CEACAM20: variants seen among roughly 807,000 people sequenced by gnomAD.
CEACAM20 encodes the protein CEA cell adhesion molecule 20, also known as cell adhesion molecule CEACAM20.
CEACAM20 carries 50 observed loss-of-function variants against 61.2 expected under a neutral mutation model. The ratio of observed to expected loss-of-function variants is 0.82; its 90% CI spans 0.65 to 1.03. CEACAM20 has a LOEUF of 1.03. CEACAM20 is among the 50% of genes least tolerant of loss of function. CEACAM20 has a pLI of 0.00. For missense variants in CEACAM20, 683 were observed against 736.4 expected, an observed-to-expected ratio of 0.93 and a Z score of 0.84; for synonymous variants, 282 against 287.7, an observed-to-expected ratio of 0.98 and a Z score of 0.20.
At chr19:44,506,958 C>G (rs1283913217) in intron 11 of CEACAM20, among the ~76,000 whole-genome samples, 1 of 152,148 alleles carries the variant, frequency 6.6e-6, no homozygotes, top group Non-Finnish European at 1.5e-5. Flanking sequence ...TCTTCAGGGC[C>G]TTTTTTACTG....
At chr19:44,524,688 T>C (rs901658813) in intron 2 of CEACAM20, among the ~76,000 whole-genome samples, 4 of 152,008 alleles carry the variant, frequency 2.6e-5, no homozygotes, top group African/African-American at 9.7e-5. Flanking sequence ...CAAGCGATCC[T>C]CCCACCTCAG....
chr19:44,529,565 C>A lies in CEACAM20; in HGVS notation c.-56G>T. The A allele has an allele frequency of 6.5e-7, 1 of 1,530,764 alleles. No homozygotes were observed. 94.8% of individuals were successfully genotyped at this position (1,530,764 alleles called of 1,614,324 possible). A position where few individuals can be genotyped will look rare whatever the true frequency, so the allele number is the denominator to read the frequency against. ...GCCGTCTGTCGCCCCGGCTTGCACA[C>A]ACAGATACAGTCCTCACTCCAGGTG... On this transcript the variant is annotated 5_prime_UTR_variant, in exon 1 of 12. Transcript: ENST00000614924.
chr19:44,511,060 A>G lies in CEACAM20; in HGVS notation c.1707T>C (p.Thr569=). 1.2e-6 allele frequency: 2 copies of G among 1,613,912 alleles called. No homozygotes were observed. The highest frequency in any genetic ancestry group is 1.1e-5 in the South Asian group (1 of 91,066). Residue 569 remains threonine, a synonymous_variant, in exon 11 of 12, where the codon ACT becomes ACC. Coordinates refer to ENST00000614924, the MANE Select transcript of CEACAM20 (RefSeq NM_001102597.3). The part of the protein sequence containing the change: ...PLMPPLRLVS[T]VPKNMESIYE... Reference sequence around the variant, plus strand: ...AGATTGACTCCATGTTTTTTGGCACAGTGGAGACCAATCTGAGTGGGGGCA... The same window carrying G: ...AGATTGACTCCATGTTTTTTGGCACGGTGGAGACCAATCTGAGTGGGGGCA...
At chr19:44,524,335 A>T in intron 2 of CEACAM20, 74 bp from the exon 3 acceptor site, 1 of 1,475,812 alleles carries the variant, frequency 6.8e-7, no homozygotes, top group Non-Finnish European at 9.2e-7. Context: ...TCACAGAGGG[A>T]CCCAGAGAAA....
At position 44,516,799 on chromosome 19, in the gene CEACAM20, G is replaced by C. The variant is rs1971168192; in HGVS notation, c.1309+147C>G. 17 of 820,272 alleles carry C rather than the reference G, an allele frequency of 2.1e-5. No homozygotes were observed. In the South Asian group the frequency reaches 2.8e-4, roughly 14 times the overall value. The allele number at this position is 820,272 out of a possible 1,614,324, so 50.8% of individuals were successfully genotyped here. A position where few individuals can be genotyped will look rare whatever the true frequency, so the allele number is the denominator to read the frequency against. Reference sequence around the variant, plus strand: ...ACATTTCCCTGACCACTAGGGGTTGGGATTCAACAGCTGTGGACTGAGAAC... The same window carrying C: ...ACATTTCCCTGACCACTAGGGGTTGCGATTCAACAGCTGTGGACTGAGAAC... On this transcript the variant is annotated intron_variant, in intron 6 of 11. Transcript: ENST00000614924.
At chr19:44,526,232 G>A (rs139359657) in intron 1 of CEACAM20, among the ~76,000 whole-genome samples, 2,662 of 152,294 alleles carry the variant, frequency 0.017, 61 homozygotes, top group African/African-American at 0.052. Flanking sequence ...TTTTCAACGG[G>A]GTGTGGTGGC....
At chr19:44,514,818 T>TAAA (rs148490182) in intron 6 of CEACAM20, among the ~76,000 whole-genome samples, 5,160 of 151,966 alleles carry the variant, frequency 0.034, 312 homozygotes, top group African/African-American at 0.12. Context: ...ATAGACTTTT[T>TAAA]AAAATTTTTT....
At chr19:44,513,323 G>A in intron 6 of CEACAM20, 34 bp from the exon 7 acceptor site, 1 of 1,436,042 alleles carries the variant, frequency 7.0e-7, no homozygotes, top group Non-Finnish European at 9.8e-7. Context: ...ACCCAGGCTT[G>A]ACACACCCTC....
In CEACAM20 at chr19:44,513,443, CT is replaced by C. The variant is rs398034749; in HGVS notation, c.1310-155del. 1.9e-3 allele frequency among the ~76,000 whole-genome samples: 224 copies of C among 117,096 alleles called. 1 individual carries two copies. The highest frequency in any genetic ancestry group is 2.6e-3 in the East Asian group (10 of 3,918). The allele number at this position is 117,096 out of a possible 152,430, so 76.8% of individuals were successfully genotyped here. A position where few individuals can be genotyped will look rare whatever the true frequency, so the allele number is the denominator to read the frequency against. On this transcript the variant is annotated intron_variant, in intron 6 of 11. Transcript: ENST00000614924. ...TATCAGATTGTGGTTTTTGGTTTTG[CT>C]TTTTTTTTTTTTTTTTTCAGACAGG...
At chr19:44,521,738 TTGTG>T (rs1000768732) in intron 4 of CEACAM20, among the ~76,000 whole-genome samples, 5 of 152,116 alleles carry the variant, frequency 3.3e-5, no homozygotes, top group African/African-American at 1.2e-4. Context: ...TTTGTATGTT[TTGTG>T]TGAGTGTGTG....
At chr19:44,528,787 GTGTC>G (rs1382002818) in intron 1 of CEACAM20, among the ~76,000 whole-genome samples, 8 of 146,900 alleles carry the variant, frequency 5.4e-5, no homozygotes, top group East Asian at 2.0e-4. Flanking sequence ...CTGTCTCTCT[GTGTC>G]TGTTTCTCTC....
At position 44,524,258 on chromosome 19, in the gene CEACAM20, A is replaced by G; in HGVS notation, c.200T>C (p.Leu67Pro). Residue 67 changes from leucine to proline, a missense_variant, in exon 3 of 12, where the codon CTG becomes CCG. Coordinates refer to ENST00000614924, the MANE Select transcript of CEACAM20 (RefSeq NM_001102597.3). ...TPQIHGRSRE[L>P]AKPSIAVSPG... The stretch of plus-strand genomic sequence containing the variant: ...GCTGACTGCAATGGAGGGTTTGGCC[A>G]GCTCTGAAAGCAAGCGAGGGAGACA... 2 of 1,610,982 alleles carry G rather than the reference A, an allele frequency of 1.2e-6. No individual in the cohort carries two copies. Among genetic ancestry groups the G allele is most frequent in the South Asian group, 1.1e-5 (1 of 90,722 alleles).
rs747930065 is a variant in CEACAM20, at chr19:44,512,961, C to G, written c.1428-8G>C. 6 of 1,606,762 alleles carry G rather than the reference C, an allele frequency of 3.7e-6. No individual in the cohort carries two copies. In the South Asian group the frequency reaches 6.7e-5, roughly 18 times the overall value. On this transcript the variant is annotated splice_region_variant and splice_polypyrimidine_tract_variant and intron_variant, in intron 7 of 11. Transcript: ENST00000614924. ...GTTGTTTTCCTTGAGGGCCTGAAAC[C>G]CCAAAGCCCTCATTATTCTGTGCCT...
At chr19:44,521,503 A>T (rs991907916) in intron 4 of CEACAM20, among the ~76,000 whole-genome samples, 1 of 151,522 alleles carries the variant, frequency 6.6e-6, no homozygotes, top group African/African-American at 2.4e-5. Context: ...TGTGTTGTAC[A>T]TGTGTTGTAT....
intron 1 of CEACAM20, among the ~76,000 whole-genome samples, chr19:44,528,496 T>C (rs1025700343): frequency 2.0e-5 from 3 of 152,196 alleles, no homozygotes; most frequent in Admixed American, 2.0e-4. Flanking sequence ...AGTGCTGGGA[T>C]TACAGGCGTG....
intron 1 of CEACAM20, among the ~76,000 whole-genome samples, chr19:44,527,678 C>G (rs2123643293): frequency 6.6e-6 from 1 of 152,256 alleles, no homozygotes; most frequent in African/African-American, 2.4e-5. Context: ...GTGGATGCGG[C>G]TGATAACTCT....
At chr19:44,511,518 C>T in intron 10 of CEACAM20, 119 bp downstream of exon 10, 1 of 1,023,524 alleles carries the variant, frequency 9.8e-7, no homozygotes, top group African/African-American at 1.6e-5. Context: ...CCATCCCTGG[C>T]CCTGTGATGT....
At position 44,525,336 on chromosome 19, in the gene CEACAM20, C is replaced by T. The variant is rs1301590662; in HGVS notation, c.53-92G>A. ...TCAGAAGCACAGGGAGCTCTGAGGC[C>T]ATAGGACTGGCATTCCACCCACAGA... On this transcript the variant is annotated intron_variant, in intron 1 of 11. Coordinates refer to ENST00000614924, the MANE Select transcript of CEACAM20 (RefSeq NM_001102597.3). The T allele has an allele frequency of 1.4e-5, 18 of 1,277,410 alleles. 1 individual carries two copies. Among genetic ancestry groups the T allele is most frequent in the Middle Eastern group, 4.0e-4 (2 of 4,972 alleles). 79.1% of individuals were successfully genotyped at this position (1,277,410 alleles called of 1,614,324 possible). A position where few individuals can be genotyped will look rare whatever the true frequency, so the allele number is the denominator to read the frequency against.
chr19:44,527,645 G>A (rs1361104366), intron 1 of CEACAM20, among the ~76,000 whole-genome samples: 1 of 152,090 alleles, frequency 6.6e-6, no homozygotes, highest in Non-Finnish European at 1.5e-5. Context: ...CTACCAGGAA[G>A]AGGCAACACT....
Sources: allele counts gnomAD v4.1 joint callset (sites outside exome capture counted in the v4.1 genomes callset), GRCh38; gene constraint gnomAD v4.1.1; transcripts MANE v1.5; gene names NCBI Gene and HGNC (gene_info 2026-07-23, HGNC 2026-07-21).